Variants in TCF4 observed in about 807,000 individuals in gnomAD.
TCF4 encodes transcription factor 4, also known as SL3-3 enhancer factor 2.
In TCF4, 3 loss-of-function variants were observed where a neutral mutation model predicts 82.1. The observed-to-expected ratio is 0.04, with a 90% CI of 0.02 to 0.09. The LOEUF is 0.09. Among genes scored for constraint, TCF4 ranks in the 10% least tolerant of loss-of-function variants. The pLI is 1.00. For missense variants in TCF4, 518 were observed against 852.7 expected (o/e 0.61, Z 4.89); for synonymous variants, 276 against 309.6 (o/e 0.89, Z 1.14).
chr18:55,261,287 T>C (rs1245127297), intron 12 of TCF4, 179 bp downstream of exon 12: 4 of 741,752 alleles, frequency 5.4e-6, no homozygotes, highest in Non-Finnish European at 4.8e-6. Flanking sequence ...AAAGAGACTA[T>C]ATACTGGAAG....
At chr18:55,314,023 C>T (rs2073390248) in intron 8 of TCF4, among the ~76,000 whole-genome samples, 1 of 152,072 alleles carries the variant, frequency 6.6e-6, no homozygotes, top group Admixed American at 6.6e-5. Flanking sequence ...AAGTTGACAC[C>T]AATCCCCACC....
chr18:55,232,542 T>C lies in TCF4; in HGVS notation c.1616A>G (p.Lys539Arg). 6.2e-7 allele frequency: 1 copy of C among 1,614,226 alleles called. No individual in the cohort carries two copies. Among genetic ancestry groups the C allele is most frequent in the Non-Finnish European group, 8.5e-7 (1 of 1,180,032 alleles). The stretch of plus-strand genomic sequence containing the variant: ...TGACCTAGTAATTGATTTGATATCC[T>C]TCTTGTCGTCATCTAATTTCTTGTC... ...SEDKKLDDDK[K>R]DIKSITRSRS... The change falls in exon 17 of 20, where the codon AAG becomes AGG. Residue 539 changes from lysine to arginine, a missense_variant. Lys to Arg is a conservative substitution (Grantham distance 26). Transcript: ENST00000354452.
At chr18:55,331,025 T>C (rs987361948) in intron 8 of TCF4, among the ~76,000 whole-genome samples, 2 of 152,220 alleles carry the variant, frequency 1.3e-5, no homozygotes, top group African/African-American at 4.8e-5. Context: ...TAATGTAATA[T>C]CTCTGGCAAA....
At chr18:55,592,244 C>T (rs2097686316), upstream of TCF4, among the ~76,000 whole-genome samples, 1 of 152,128 alleles carries the variant, frequency 6.6e-6, no homozygotes, top group South Asian at 2.1e-4. Context: ...ATGTCTTAGT[C>T]AATTCAGGCT....
chr18:55,360,733 T>C (rs1406521196), intron 6 of TCF4, among the ~76,000 whole-genome samples: 1 of 97,714 alleles, frequency 1.0e-5, no homozygotes, highest in Non-Finnish European at 1.9e-5. Flanking sequence ...CCCCCACCCT[T>C]TTTTTTTTTT....
At chr18:55,596,467 G>C (rs916638553) in intron 2 of TCF4, among the ~76,000 whole-genome samples, 1 of 152,144 alleles carries the variant, frequency 6.6e-6, no homozygotes, top group African/African-American at 2.4e-5. Flanking sequence ...ACTGGCAAAA[G>C]CACTTAGCTC....
intron 3 of TCF4, among the ~76,000 whole-genome samples, chr18:55,532,393 T>A (rs1261311486): frequency 6.6e-6 from 1 of 152,190 alleles, no homozygotes; most frequent in Non-Finnish European, 1.5e-5. Flanking sequence ...GGGCCCTTGG[T>A]GGCTCTTCCA....
At chr18:55,525,322 C>T (rs745979149) in intron 3 of TCF4, among the ~76,000 whole-genome samples, 3 of 151,570 alleles carry the variant, frequency 2.0e-5, no homozygotes, top group Non-Finnish European at 4.4e-5. Flanking sequence ...AGGTTAATGA[C>T]TCTCTATAAA....
At chr18:55,521,872 T>C (rs1306071012) in intron 3 of TCF4, among the ~76,000 whole-genome samples, 1 of 152,148 alleles carries the variant, frequency 6.6e-6, no homozygotes, top group Admixed American at 6.5e-5. Context: ...TGAACCAGTA[T>C]GGTTGGATGT....
Position 55,227,475 on chromosome 18 carries a change from T to G in TCF4, c.*560A>C, listed in dbSNP as rs1439694791. On this transcript the variant is annotated 3_prime_UTR_variant, in exon 20 of 20. Transcript: ENST00000354452. The stretch of plus-strand genomic sequence containing the variant: ...GGAATGGCTAATGTCATCACTTCGT[T>G]GTCATCAGGACGTTTGCTGGTTTTG... 3 of 152,086 alleles carry G rather than the reference T, an allele frequency of 2.0e-5. No homozygotes were observed. The highest frequency in any genetic ancestry group is 4.4e-5 in the Non-Finnish European group (3 of 67,948). 9.4% of individuals were successfully genotyped at this position (152,086 alleles called of 1,614,324 possible).
chr18:55,612,430 G>A (rs1333763856), intron 2 of TCF4, among the ~76,000 whole-genome samples: 1 of 152,024 alleles, frequency 6.6e-6, no homozygotes, highest in Non-Finnish European at 1.5e-5. Flanking sequence ...CTGACATTGA[G>A]CAAAGTAATA....
intron 3 of TCF4, chr18:55,510,634 G>T: frequency 6.6e-7 from 1 of 1,513,520 alleles, no homozygotes; most frequent in East Asian, 2.5e-5. Flanking sequence ...AATATATCTG[G>T]TGATTAAAAT....
intron 3 of TCF4, among the ~76,000 whole-genome samples, chr18:55,545,914 T>A (rs1448445634): frequency 6.6e-6 from 1 of 152,194 alleles, no homozygotes; most frequent in Non-Finnish European, 1.5e-5. Context: ...ACTCATAGGT[T>A]CTGGTATTTT....
intron 3 of TCF4, among the ~76,000 whole-genome samples, chr18:55,557,657 T>C (rs1184950653): frequency 6.6e-6 from 1 of 152,140 alleles, no homozygotes; most frequent in Non-Finnish European, 1.5e-5. Flanking sequence ...TACATTCACA[T>C]GGTTCAAGGG....
rs568338834 is a variant in TCF4, at chr18:55,376,140, G to A, written c.370-25137C>T. On this transcript the variant is annotated intron_variant, in intron 6 of 19. Coordinates refer to ENST00000354452, the MANE Select transcript of TCF4 (RefSeq NM_001083962.2). ...GGGCTCAAGGGATCCTCCCACTTCAGCCTCCTGAGTAGCTCAGACCACAGG... is the reference window on the plus strand; with the variant it reads ...GGGCTCAAGGGATCCTCCCACTTCAACCTCCTGAGTAGCTCAGACCACAGG... 1.9e-4 allele frequency among the ~76,000 whole-genome samples: 28 copies of A among 148,766 alleles called. No homozygotes were observed. The East Asian group carries it at 5.4e-3, about 29-fold the overall frequency.
intron 5 of TCF4, among the ~76,000 whole-genome samples, chr18:55,457,124 C>T (rs1379013576): frequency 1.3e-5 from 2 of 152,206 alleles, no homozygotes; most frequent in African/African-American, 4.8e-5. Flanking sequence ...ACTGACATCT[C>T]TCAACCCTGC....
chr18:55,229,148 T>C, intron 17 of TCF4, 72 bp from the exon 18 acceptor site: 1 of 1,555,814 alleles, frequency 6.4e-7, no homozygotes, highest in Non-Finnish European at 8.8e-7. Flanking sequence ...TACTTTGTTT[T>C]CTTCCAGAGT....
chr18:55,248,214 T>C (rs1340962208), intron 15 of TCF4, among the ~76,000 whole-genome samples: 1 of 152,198 alleles, frequency 6.6e-6, no homozygotes, highest in Non-Finnish European at 1.5e-5. Flanking sequence ...AAATACCTGA[T>C]AGTTGTGGAG....
At chr18:55,349,211 A>T (rs1171310875) in intron 8 of TCF4, among the ~76,000 whole-genome samples, 1 of 152,026 alleles carries the variant, frequency 6.6e-6, no homozygotes, top group Admixed American at 6.6e-5. Flanking sequence ...AACATCACCA[A>T]CTCTATGATA....
Sources: allele counts gnomAD v4.1 joint callset (sites outside exome capture counted in the v4.1 genomes callset), GRCh38; gene constraint gnomAD v4.1.1; transcripts MANE v1.5; gene names NCBI Gene and HGNC (gene_info 2026-07-23, HGNC 2026-07-21).